NRG3: variants seen among roughly 807,000 people sequenced by gnomAD.
NRG3 encodes pro-neuregulin-3, membrane-bound isoform.
A neutral mutation model predicts 66.9 loss-of-function variants in NRG3; 31 were observed. That is an observed-to-expected ratio of 0.46 (90% CI 0.35 to 0.63). The LOEUF (loss-of-function observed/expected upper bound fraction) is 0.63, where lower values mean the gene tolerates loss of function less well. Ranked by LOEUF, NRG3 falls within the 20% of genes least tolerant of loss-of-function variation. The probability of loss-of-function intolerance (pLI) is 0.00; values close to 1 mark genes in which losing one functional copy is unlikely to be tolerated. For missense variants in NRG3, 910 were observed against 878.9 expected (o/e 1.04, Z -0.45); for synonymous variants, 393 against 359.4 (o/e 1.09, Z -1.06).
At chr10:81,964,676 A>G (rs1371459838) in intron 1 of NRG3, among the ~76,000 whole-genome samples, 1 of 152,186 alleles carries the variant, frequency 6.6e-6, no homozygotes, top group East Asian at 1.9e-4. Flanking sequence ...TACTACTGCC[A>G]GACTGTCTTC....
intron 1 of NRG3, among the ~76,000 whole-genome samples, chr10:82,320,000 G>A (rs887555497): frequency 2.6e-5 from 4 of 152,192 alleles, no homozygotes; most frequent in African/African-American, 9.7e-5. Flanking sequence ...GTAAGGATGT[G>A]TGTAAGTAAA....
At chr10:82,474,270 G>A (rs572943880) in intron 2 of NRG3, among the ~76,000 whole-genome samples, 1 of 152,012 alleles carries the variant, frequency 6.6e-6, no homozygotes, top group South Asian at 2.1e-4. Flanking sequence ...AGTCTCTGAA[G>A]AAATATAGGC....
chr10:82,317,940 ATT>A (rs112494361), intron 1 of NRG3, among the ~76,000 whole-genome samples: 4 of 145,676 alleles, frequency 2.7e-5, no homozygotes, highest in Non-Finnish European at 3.0e-5. Context: ...GTGAATCTAC[ATT>A]TTTTTTTTTT....
intron 4 of NRG3, among the ~76,000 whole-genome samples, chr10:82,911,831 T>C (rs1591927575): frequency 6.6e-6 from 1 of 151,998 alleles, no homozygotes; most frequent in East Asian, 1.9e-4. Flanking sequence ...GAAACTTAGA[T>C]TAATATTTAG....
At chr10:82,782,180 G>A (rs2060143936) in intron 3 of NRG3, among the ~76,000 whole-genome samples, 1 of 152,136 alleles carries the variant, frequency 6.6e-6, no homozygotes, top group African/African-American at 2.4e-5. Context: ...TAGTGTTGAG[G>A]TTTTTAAAGA....
intron 2 of NRG3, among the ~76,000 whole-genome samples, chr10:82,386,614 G>T (rs1305651973): frequency 6.6e-6 from 1 of 151,498 alleles, no homozygotes; most frequent in African/African-American, 2.4e-5. Context: ...GAAAAAGTAT[G>T]ATTGACCCAT....
At chr10:82,852,657 A>T (rs917587389) in intron 3 of NRG3, among the ~76,000 whole-genome samples, 2 of 152,156 alleles carry the variant, frequency 1.3e-5, no homozygotes, top group African/African-American at 4.8e-5. Context: ...AAGGATGTGG[A>T]TTCTATTCGT....
intron 1 of NRG3, among the ~76,000 whole-genome samples, chr10:82,237,039 C>T (rs185955297): frequency 6.6e-6 from 1 of 152,110 alleles, no homozygotes; most frequent in African/African-American, 2.4e-5. Flanking sequence ...CTCTTAAACA[C>T]ATATATCAGA....
In NRG3 at chr10:82,545,774, A is replaced by G. The variant is rs146163701; in HGVS notation, c.953+186906A>G. ...GTATTTTTATTGATCGTAATATATA[A>G]TATCAACTCTTTTTTTTTTTTTTTT... is the stretch of plus-strand genomic sequence containing the variant. On this transcript the variant is annotated intron_variant, in intron 2 of 8. Transcript: ENST00000372141. Among the ~76,000 whole-genome samples, 118 of 145,712 alleles carry G rather than the reference A, an allele frequency of 8.1e-4. 1 individual carries two copies. The East Asian group carries it at 0.023, about 28-fold the overall frequency.
At chr10:82,239,505 T>C (rs780757808) in intron 1 of NRG3, among the ~76,000 whole-genome samples, 5 of 152,196 alleles carry the variant, frequency 3.3e-5, no homozygotes, top group Non-Finnish European at 7.4e-5. Flanking sequence ...ACAACCATTT[T>C]TTTTGCCAAT....
intron 2 of NRG3, among the ~76,000 whole-genome samples, chr10:82,733,024 T>TC (rs1291939931): frequency 1.3e-5 from 2 of 151,928 alleles, no homozygotes; most frequent in African/African-American, 4.8e-5. Context: ...CCATTTTTTT[T>TC]CCCTATGAAT....
At chr10:82,029,164 G>T (rs2062453513) in intron 1 of NRG3, among the ~76,000 whole-genome samples, 1 of 152,000 alleles carries the variant, frequency 6.6e-6, no homozygotes, top group South Asian at 2.1e-4. Context: ...ATCAGAGATC[G>T]CATCACTGCA....
intron 2 of NRG3, among the ~76,000 whole-genome samples, chr10:82,362,333 ATGTGTGTGTGTGTG>A (rs56996997): frequency 0.12 from 16,232 of 135,826 alleles, 1,511 homozygotes; most frequent in African/African-American, 0.25. Flanking sequence ...GTATATATAT[ATGTGTGTGTGTGTG>A]TGTGTGTGTG....
chr10:82,703,409 A>G (rs1373754587), intron 2 of NRG3, among the ~76,000 whole-genome samples: 2 of 152,144 alleles, frequency 1.3e-5, no homozygotes, highest in African/African-American at 4.8e-5. Flanking sequence ...TAATACCAAA[A>G]GAACTTAAGG....
chr10:82,438,605 G>A (rs112838039), intron 2 of NRG3, among the ~76,000 whole-genome samples: 219 of 152,332 alleles, frequency 1.4e-3, no homozygotes, highest in African/African-American at 4.9e-3. Flanking sequence ...GCAGATTCCA[G>A]CTGAGAGGCT....
chr10:82,784,222 G>A (rs1286671460), intron 3 of NRG3, among the ~76,000 whole-genome samples: 2 of 152,100 alleles, frequency 1.3e-5, no homozygotes, highest in African/African-American at 4.8e-5. Context: ...ATGGATTAAA[G>A]ACTTAAACGT....
intron 1 of NRG3, among the ~76,000 whole-genome samples, chr10:81,923,843 C>A (rs1022305917): frequency 1.3e-5 from 2 of 152,150 alleles, no homozygotes; most frequent in Non-Finnish European, 2.9e-5. Flanking sequence ...CCACCTTGTT[C>A]TTTTTTCCAC....
intron 2 of NRG3, among the ~76,000 whole-genome samples, chr10:82,702,694 T>G (rs1488846594): frequency 1.3e-5 from 2 of 152,096 alleles, no homozygotes; most frequent in African/African-American, 2.4e-5. Flanking sequence ...TGTTGTTGTT[T>G]TTTCTCATCT....
chr10:82,675,748 C>T (rs1004718185), intron 2 of NRG3, among the ~76,000 whole-genome samples: 9 of 152,176 alleles, frequency 5.9e-5, no homozygotes, highest in Non-Finnish European at 1.2e-4. Flanking sequence ...TTTGAAGGCT[C>T]AAGGCAAGAG....
Sources: gnomAD v4.1 joint callset for allele counts (sites outside exome capture counted in the v4.1 genomes callset) on GRCh38, gnomAD v4.1.1 for gene constraint, MANE v1.5 for transcripts, NCBI Gene and HGNC (gene_info 2026-07-23, HGNC 2026-07-21) for gene names.